DDX46: variants seen among roughly 807,000 people sequenced by gnomAD.
DDX46 encodes the protein probable ATP-dependent RNA helicase DDX46.
DDX46 carries 30 observed loss-of-function variants against 134.9 expected under a neutral mutation model. That is an observed-to-expected ratio of 0.22 (90% CI 0.17 to 0.30). DDX46 has a LOEUF of 0.30. Ranked by LOEUF, DDX46 falls within the 10% of genes least tolerant of loss-of-function variation. The pLI, the probability that DDX46 is intolerant of heterozygous loss-of-function variation, is 1.00. For synonymous variants in DDX46, 415 were observed against 404.1 expected (o/e 1.03, Z -0.32); for missense variants, 622 against 1,248.7 (o/e 0.50, Z 7.56).
rs778673806 is a variant in DDX46, at chr5:134,781,191, T to C, written c.824T>C (p.Val275Ala). The C allele has an allele frequency of 6.2e-7, 1 of 1,604,010 alleles. No homozygotes were observed. The highest frequency in any genetic ancestry group is 8.5e-7 in the Non-Finnish European group (1 of 1,177,880). ...VTVVTTKKAV[V>A]DSDKKKGELM... ...GTTGTGACAACCAAAAAAGCAGTTGTGGATTCTGATAAGAAGAAAGGTGAG... is the reference window on the plus strand; with the variant it reads ...GTTGTGACAACCAAAAAAGCAGTTGCGGATTCTGATAAGAAGAAAGGTGAG... The change falls in exon 7 of 23, where the codon GTG becomes GCG. Residue 275 changes from valine (V) to alanine (A), a missense_variant. By Grantham distance (64) the Val-to-Ala change is moderately conservative. This residue lies in a region of DDX46 where 244 missense variants were observed against 349.3 expected (regional missense o/e 0.70). Transcript: ENST00000452510.
chr5:134,821,591 G>A (rs996580922), intron 21 of DDX46, among the ~76,000 whole-genome samples: 15 of 150,312 alleles, frequency 1.0e-4, no homozygotes, highest in East Asian at 3.9e-4. Flanking sequence ...GGAATGCAGC[G>A]GCGCAATTTC....
At chr5:134,779,760 G>A (rs999874240) in intron 6 of DDX46, among the ~76,000 whole-genome samples, 1 of 152,190 alleles carries the variant, frequency 6.6e-6, no homozygotes, top group Non-Finnish European at 1.5e-5. Flanking sequence ...AAAGTGCTGG[G>A]ATTACACACA....
At chr5:134,815,812 C>T (rs906345962) in intron 18 of DDX46, among the ~76,000 whole-genome samples, 1 of 149,146 alleles carries the variant, frequency 6.7e-6, no homozygotes, top group Non-Finnish European at 1.5e-5. Flanking sequence ...GATGGGGAAA[C>T]AACCTGCATT....
intron 9 of DDX46, among the ~76,000 whole-genome samples, chr5:134,783,379 G>C (rs56030886): frequency 6.7e-6 from 1 of 148,762 alleles, no homozygotes; most frequent in Non-Finnish European, 1.5e-5. Flanking sequence ...TCAGCCTTCC[G>C]AGTAGCTGAA....
intron 15 of DDX46, among the ~76,000 whole-genome samples, chr5:134,797,429 G>A (rs1754699843): frequency 6.6e-6 from 1 of 152,202 alleles, no homozygotes; most frequent in Admixed American, 6.5e-5. Context: ...CTCACTTTAT[G>A]TGGCTGGCAA....
chr5:134,811,387 A>G (rs376572480), intron 17 of DDX46, 29 bp downstream of exon 17: 1 of 1,606,838 alleles, frequency 6.2e-7, no homozygotes, highest in Non-Finnish European at 8.5e-7. Flanking sequence ...TTACTCTTCT[A>G]GAAATCATTA....
chr5:134,793,736 G>A (rs950718480), intron 13 of DDX46, among the ~76,000 whole-genome samples: 1 of 152,068 alleles, frequency 6.6e-6, no homozygotes, highest in South Asian at 2.1e-4. Flanking sequence ...TAGTAATGTG[G>A]TAACTTGGGA....
At chr5:134,814,466 A>G (rs562915638) in intron 18 of DDX46, among the ~76,000 whole-genome samples, 1 of 152,354 alleles carries the variant, frequency 6.6e-6, no homozygotes, top group East Asian at 1.9e-4. Flanking sequence ...ACCAGCTAGC[A>G]TTGTATACTT....
chr5:134,798,162 C>T (rs185417122), intron 15 of DDX46, among the ~76,000 whole-genome samples: 173 of 150,454 alleles, frequency 1.1e-3, no homozygotes, highest in African/African-American at 3.7e-3. Flanking sequence ...AAAATATCCC[C>T]GCCCCCCACC....
chr5:134,792,302 A>C (rs1754527982), intron 13 of DDX46, among the ~76,000 whole-genome samples: 1 of 152,138 alleles, frequency 6.6e-6, no homozygotes, highest in South Asian at 2.1e-4. Flanking sequence ...TTTTCATCCC[A>C]AGGAGTACAA....
intron 19 of DDX46, 179 bp from the exon 20 acceptor site, chr5:134,817,317 A>G (rs1725871626): frequency 1.7e-6 from 1 of 600,252 alleles, no homozygotes; most frequent in South Asian, 2.5e-5. Flanking sequence ...AGGTACATTA[A>G]ACTACATTAT....
At chr5:134,804,581 A>G (rs893324659) in intron 15 of DDX46, among the ~76,000 whole-genome samples, 2 of 152,114 alleles carry the variant, frequency 1.3e-5, no homozygotes, top group Admixed American at 1.3e-4. Flanking sequence ...TGGGACTACA[A>G]GCGTGTGCCA....
Position 134,811,740 on chromosome 5 carries a change from A to G in DDX46, c.2331A>G (p.Gly777=). The change falls in exon 18 of 23, where the codon GGA becomes GGG. Residue 777 remains glycine (G), a synonymous_variant. Coordinates refer to ENST00000452510, the MANE Select transcript of DDX46 (RefSeq NM_001300860.2). ...AGAGTAGTGGGTTCTCTGGTAAGGG[A>G]TTCAAGTTTGATGAAACAGAACAAG... ...IKKSSGFSGK[G]FKFDETEQAL... 1.9e-6 allele frequency: 3 copies of G among 1,613,620 alleles called. No homozygotes were observed. The highest frequency in any genetic ancestry group is 1.7e-6 in the Non-Finnish European group (2 of 1,179,870).
chr5:134,765,381 TAAAAAAA>T (rs751912543), intron 2 of DDX46, among the ~76,000 whole-genome samples: 1 of 97,286 alleles, frequency 1.0e-5, no homozygotes, highest in African/African-American at 3.9e-5. Context: ...CCGTCTCTAC[TAAAAAAA>T]AAAAAAAAAA....
At position 134,828,874 on chromosome 5, in the gene DDX46, C is replaced by T. The variant is rs574248532; in HGVS notation, c.*168C>T. The T allele has an allele frequency of 4.2e-5, 17 of 408,442 alleles. No individual in the cohort carries two copies. The highest frequency in any genetic ancestry group is 2.1e-4 in the African/African-American group (10 of 48,670). The allele number at this position is 408,442 out of a possible 1,614,324, so 25.3% of individuals were successfully genotyped here. On this transcript the variant is annotated 3_prime_UTR_variant, in exon 23 of 23. Coordinates refer to ENST00000452510, the MANE Select transcript of DDX46 (RefSeq NM_001300860.2). ...TAAAGAAATCTGTCCGTAAGTACCC[C>T]CACAATCAGTCAAACTATATTTAAA...
At chr5:134,811,199 G>A (rs1309464538) in intron 16 of DDX46, 22 bp from the exon 17 acceptor site, 2 of 1,608,666 alleles carry the variant, frequency 1.2e-6, no homozygotes, top group South Asian at 1.1e-5. Flanking sequence ...TCTAATAATT[G>A]TACTTTTTCA....
intron 19 of DDX46, chr5:134,817,287 C>G (rs1755311040): frequency 2.0e-6 from 1 of 506,948 alleles, no homozygotes; most frequent in South Asian, 3.2e-5. Flanking sequence ...GAATGTTCTC[C>G]AGTTTTCTTA....
Position 134,790,447 on chromosome 5 carries a change from CTTTA to C in DDX46, c.1544-19_1544-16del, listed in dbSNP as rs1754468157. 1 of 1,587,626 alleles carries C rather than the reference CTTTA, an allele frequency of 6.3e-7. No homozygotes were observed. Among genetic ancestry groups the C allele is most frequent in the Non-Finnish European group, 8.5e-7 (1 of 1,170,706 alleles). Reference sequence around the variant, plus strand: ...GACTGATTTTTAGTTTTCTTTTTGTCTTTATTTTTCTTTTCATCTTAGGTCGGGT... The same window carrying C: ...GACTGATTTTTAGTTTTCTTTTTGTCTTTTTCTTTTCATCTTAGGTCGGGT... On this transcript the variant is annotated intron_variant, in intron 12 of 22. Coordinates refer to ENST00000452510, the MANE Select transcript of DDX46 (RefSeq NM_001300860.2).
intron 15 of DDX46, among the ~76,000 whole-genome samples, chr5:134,797,491 T>C (rs1175903487): frequency 6.6e-6 from 1 of 152,156 alleles, no homozygotes; most frequent in East Asian, 1.9e-4. Flanking sequence ...TCATGGGCCC[T>C]TGTGGGCCTC....
Sources: allele counts gnomAD v4.1 joint callset (sites outside exome capture counted in the v4.1 genomes callset), GRCh38; gene constraint gnomAD v4.1.1; regional missense constraint gnomAD v4.1.1; transcripts MANE v1.5; gene names NCBI Gene and HGNC (gene_info 2026-07-23, HGNC 2026-07-21).